The following TMEM135 variants were observed in gnomAD, a reference collection of about 807,000 sequenced individuals.
TMEM135 encodes the protein transmembrane protein 135, also known as peroxisomal membrane protein 52.
Under a neutral mutation model 60.3 loss-of-function variants are expected in TMEM135, and 30 were observed. The ratio of observed to expected loss-of-function variants is 0.50; its 90% CI spans 0.37 to 0.68. TMEM135 has a LOEUF of 0.68. Among genes scored for constraint, TMEM135 ranks in the 30% least tolerant of loss-of-function variants. The pLI is 0.00. For synonymous variants in TMEM135, 190 were observed against 186.7 expected (o/e 1.02, Z -0.14); for missense variants, 468 against 548.8 (o/e 0.85, Z 1.47).
At chr11:87,090,752 A>G (rs1163592991) in intron 3 of TMEM135, among the ~76,000 whole-genome samples, 1 of 152,136 alleles carries the variant, frequency 6.6e-6, no homozygotes, top group Non-Finnish European at 1.5e-5. Flanking sequence ...TTATTAAATA[A>G]GTTTGGTAAA....
chr11:87,247,716 G>A (rs1488414346), intron 6 of TMEM135, among the ~76,000 whole-genome samples: 1 of 152,204 alleles, frequency 6.6e-6, no homozygotes, highest in Non-Finnish European at 1.5e-5. Flanking sequence ...GAAAAGCGCA[G>A]TATTAGGGTG....
At chr11:87,049,550 A>C (rs1252869932) in intron 1 of TMEM135, among the ~76,000 whole-genome samples, 3 of 126,776 alleles carry the variant, frequency 2.4e-5, no homozygotes, top group African/African-American at 8.7e-5. Flanking sequence ...AAACCAACAA[A>C]GATCAAAAGA....
At chr11:87,163,308 ATAGTT>A (rs1565468203) in intron 5 of TMEM135, among the ~76,000 whole-genome samples, 1 of 143,280 alleles carries the variant, frequency 7.0e-6, no homozygotes, top group Non-Finnish European at 1.5e-5. Flanking sequence ...TGTTCTTGCG[ATAGTT>A]TACTGAGAAT....
chr11:87,133,222 G>A (rs1210936785), intron 4 of TMEM135, among the ~76,000 whole-genome samples: 1 of 152,132 alleles, frequency 6.6e-6, no homozygotes, highest in African/African-American at 2.4e-5. Context: ...AGTTGATCAT[G>A]GATAACTGAA....
In TMEM135 at chr11:87,245,123, A is replaced by G. The variant is rs866621820; in HGVS notation, c.509+8439A>G. Among the ~76,000 whole-genome samples the G allele has an allele frequency of 5.9e-3, 826 of 139,408 alleles. 10 individuals are homozygous for G. The highest frequency in any genetic ancestry group is 0.021 in the African/African-American group (775 of 36,876). The allele number at this position is 139,408 out of a possible 152,430, so 91.5% of individuals were successfully genotyped here. On this transcript the variant is annotated intron_variant, in intron 6 of 14. Transcript: ENST00000305494. ...TTCGTTATGTACTCAGTAGTCATTC[A>G]GGAGCAGGTTGTTCAGTTTCCATGT...
chr11:87,159,591 G>GCACACACACACACACACACA (rs757338413), intron 5 of TMEM135, among the ~76,000 whole-genome samples: 6 of 81,380 alleles, frequency 7.4e-5, no homozygotes, highest in African/African-American at 3.0e-4. Flanking sequence ...ATACACACAC[G>GCACACACACACACACACACA]CGCACACACA....
intron 5 of TMEM135, among the ~76,000 whole-genome samples, chr11:87,182,608 A>G (rs1939546053): frequency 6.6e-6 from 1 of 152,156 alleles, no homozygotes; most frequent in Admixed American, 6.6e-5. Context: ...TAATGTTAAT[A>G]TTATGGAGAT....
chr11:87,189,130 T>TTTCCTTTCCCTTTCCC (rs1393295721), intron 5 of TMEM135, among the ~76,000 whole-genome samples: 5 of 136,490 alleles, frequency 3.7e-5, no homozygotes, highest in East Asian at 4.0e-4. Context: ...TCCCTTTCCC[T>TTTCCTTTCCCTTTCCC]TTTCCTTTCC....
chr11:87,253,987 CAT>C (rs1491351984), intron 6 of TMEM135, among the ~76,000 whole-genome samples: 1 of 151,794 alleles, frequency 6.6e-6, no homozygotes, highest in Non-Finnish European at 1.5e-5. Flanking sequence ...TTTAAAAAAA[CAT>C]TTTTTCAATA....
intron 4 of TMEM135, among the ~76,000 whole-genome samples, chr11:87,154,664 C>G (rs992964747): frequency 4.6e-5 from 7 of 152,302 alleles, no homozygotes; most frequent in African/African-American, 1.7e-4. Context: ...TTGATAATAG[C>G]CATTCTAATG....
intron 2 of TMEM135, among the ~76,000 whole-genome samples, chr11:87,070,207 A>G (rs1565428218): frequency 6.6e-6 from 1 of 151,938 alleles, no homozygotes; most frequent in Non-Finnish European, 1.5e-5. Flanking sequence ...ATATATATCT[A>G]TCTATATAAT....
chr11:87,076,758 G>T (rs1462391408), intron 3 of TMEM135, among the ~76,000 whole-genome samples: 1 of 152,130 alleles, frequency 6.6e-6, no homozygotes, highest in Non-Finnish European at 1.5e-5. Context: ...GATGAATCCT[G>T]CCAGTACTGG....
intron 3 of TMEM135, among the ~76,000 whole-genome samples, chr11:87,080,555 T>C (rs1856968174): frequency 6.6e-6 from 1 of 152,260 alleles, no homozygotes. Flanking sequence ...GTGAAGGTTT[T>C]ATTGGTACAT....
intron 6 of TMEM135, among the ~76,000 whole-genome samples, chr11:87,291,160 A>C (rs1942254189): frequency 6.6e-6 from 1 of 152,178 alleles, no homozygotes. Flanking sequence ...TCAGACTTGT[A>C]CAGCCAGTTA....
At chr11:87,231,876 A>G (rs1411492190) in intron 5 of TMEM135, among the ~76,000 whole-genome samples, 4 of 152,102 alleles carry the variant, frequency 2.6e-5, no homozygotes, top group African/African-American at 9.7e-5. Context: ...CAGATTATAC[A>G]TTGCAGAATA....
chr11:87,124,695 A>ATGTT (rs1343210508), intron 4 of TMEM135, among the ~76,000 whole-genome samples: 2 of 152,126 alleles, frequency 1.3e-5, no homozygotes, highest in Admixed American at 1.3e-4. Flanking sequence ...TCTTTCCTCT[A>ATGTT]TGTTAGGTTA....
intron 12 of TMEM135, among the ~76,000 whole-genome samples, chr11:87,314,999 C>T (rs1044795988): frequency 2.0e-5 from 3 of 151,902 alleles, no homozygotes; most frequent in Non-Finnish European, 2.9e-5. Flanking sequence ...CCAGTAATTC[C>T]ATACTAATAT....
chr11:87,155,383 G>A (rs1415471866), intron 4 of TMEM135, among the ~76,000 whole-genome samples: 1 of 152,112 alleles, frequency 6.6e-6, no homozygotes, highest in Non-Finnish European at 1.5e-5. Context: ...TTCCCCTTAT[G>A]TTTTCTTTTA....
At chr11:87,183,922 C>G (rs1016845169) in intron 5 of TMEM135, among the ~76,000 whole-genome samples, 5 of 131,372 alleles carry the variant, frequency 3.8e-5, no homozygotes, top group Admixed American at 2.6e-4. Flanking sequence ...TGCCATCACA[C>G]TCCAACTTGG....
Sources: gnomAD v4.1 joint callset for allele counts (sites outside exome capture counted in the v4.1 genomes callset) on GRCh38, gnomAD v4.1.1 for gene constraint, MANE v1.5 for transcripts, NCBI Gene and HGNC (gene_info 2026-07-23, HGNC 2026-07-21) for gene names.